AGO2: variants seen among roughly 807,000 people sequenced by gnomAD.
The protein encoded by AGO2 is protein argonaute-2.
AGO2 carries 5 observed loss-of-function variants against 102.3 expected under a neutral mutation model. The ratio of observed to expected loss-of-function variants is 0.05; its 90% confidence interval spans 0.03 to 0.10. The LOEUF (loss-of-function observed/expected upper bound fraction) is 0.10. Ranked by LOEUF, AGO2 falls within the 10% of genes least tolerant of loss-of-function variation. AGO2 has a pLI of 1.00. For synonymous variants in AGO2, 449 were observed against 473.1 expected, an observed-to-expected ratio of 0.95 and a Z score of 0.66; for missense variants, 541 against 1,183.7, an observed-to-expected ratio of 0.46 and a Z score of 7.97.
At chr8:140,579,461 G>A (rs2073518022) in intron 2 of AGO2, among the ~76,000 whole-genome samples, 1 of 151,878 alleles carries the variant, frequency 6.6e-6, no homozygotes, top group Non-Finnish European at 1.5e-5. Context: ...ATACAATGTC[G>A]CCACTAGGTC....
At chr8:140,609,611 C>T (rs934924064) in intron 1 of AGO2, among the ~76,000 whole-genome samples, 4 of 152,264 alleles carry the variant, frequency 2.6e-5, no homozygotes, top group Non-Finnish European at 5.9e-5. Context: ...ACACCCTGCA[C>T]TTCCTCCTGA....
At chr8:140,533,013 A>AG (rs1434505746) in intron 17 of AGO2, among the ~76,000 whole-genome samples, 1 of 151,690 alleles carries the variant, frequency 6.6e-6, no homozygotes. Flanking sequence ...AAAAAAAAAA[A>AG]AAGCATCATA....
intron 1 of AGO2, among the ~76,000 whole-genome samples, chr8:140,585,669 A>C (rs1337552874): frequency 3.9e-5 from 6 of 152,196 alleles, no homozygotes. Context: ...TTTACTCAGG[A>C]AGCGCTTTTT....
chr8:140,605,943 C>T (rs1479872015), intron 1 of AGO2: 4 of 152,182 alleles, frequency 2.6e-5, no homozygotes, highest in Non-Finnish European at 4.4e-5. Context: ...TGTCAAAAAC[C>T]GCTTTATTTT....
chr8:140,580,376 C>G (rs2073537637), intron 2 of AGO2, among the ~76,000 whole-genome samples: 1 of 152,250 alleles, frequency 6.6e-6, no homozygotes, highest in South Asian at 2.1e-4. Context: ...CATTAAACAT[C>G]TACCCGGGGC....
chr8:140,569,170 C>T (rs183617041), intron 3 of AGO2, among the ~76,000 whole-genome samples: 3 of 152,260 alleles, frequency 2.0e-5, no homozygotes, highest in African/African-American at 7.2e-5. Context: ...CTGAGCTGCA[C>T]AGAGAGGCGG....
chr8:140,628,296 C>T (rs1442579006), intron 1 of AGO2, among the ~76,000 whole-genome samples: 1 of 152,232 alleles, frequency 6.6e-6, no homozygotes, highest in African/African-American at 2.4e-5. Flanking sequence ...CTTTTGCTTC[C>T]CCAGGGAACG....
chr8:140,628,297 C>T (rs2074299550), intron 1 of AGO2, among the ~76,000 whole-genome samples: 2 of 152,350 alleles, frequency 1.3e-5, no homozygotes, highest in Middle Eastern at 3.4e-3. Flanking sequence ...TTTTGCTTCC[C>T]CAGGGAACGA....
chr8:140,635,015 TCCACCCGC>T (rs1002128440), intron 1 of AGO2, among the ~76,000 whole-genome samples: 2 of 150,128 alleles, frequency 1.3e-5, no homozygotes, highest in African/African-American at 4.9e-5. Flanking sequence ...CGACCCGGCC[TCCACCCGC>T]TCAGGCGCTC....
intron 2 of AGO2, among the ~76,000 whole-genome samples, chr8:140,583,775 T>C (rs1354915887): frequency 6.6e-6 from 1 of 152,162 alleles, no homozygotes; most frequent in Non-Finnish European, 1.5e-5. Flanking sequence ...CTTGGGAGGA[T>C]GAGGCAGGAG....
chr8:140,631,259 A>G (rs2074337560), intron 1 of AGO2, among the ~76,000 whole-genome samples: 1 of 152,210 alleles, frequency 6.6e-6, no homozygotes, highest in Non-Finnish European at 1.5e-5. Flanking sequence ...TAAAAGACGT[A>G]GGCCGGGCGT....
chr8:140,571,849 G>A (rs373010952), intron 3 of AGO2, among the ~76,000 whole-genome samples: 3 of 152,156 alleles, frequency 2.0e-5, no homozygotes, highest in Non-Finnish European at 2.9e-5. Context: ...AGGTTCAAGC[G>A]ATTTTCCTGC....
At chr8:140,631,412 T>C (rs117043537) in intron 1 of AGO2, among the ~76,000 whole-genome samples, 2,675 of 151,886 alleles carry the variant, frequency 0.018, 38 homozygotes, top group Non-Finnish European at 0.029. Flanking sequence ...CATGGTGGCT[T>C]AGTCCCAGCT....
chr8:140,594,825 C>CTGTGTGTGTGTGTGTGTGTGTGTG (rs56012516), intron 1 of AGO2, among the ~76,000 whole-genome samples: 79 of 146,126 alleles, frequency 5.4e-4, no homozygotes, highest in Middle Eastern at 7.1e-3. Context: ...AAGAAAAAAA[C>CTGTGTGTGTGTGTGTGTGTGTGTG]TGTGTGTGTG....
intron 1 of AGO2, among the ~76,000 whole-genome samples, chr8:140,618,226 A>C (rs2074167566): frequency 6.6e-6 from 1 of 152,052 alleles, no homozygotes; most frequent in Non-Finnish European, 1.5e-5. Flanking sequence ...AGGCTAAGGC[A>C]GGAGAATCGC....
rs181381117 is a variant in AGO2 at position 140,523,526 on chromosome 8, G to A, written c.*8518C>T. ...GATTTAGATACTACATTCTTTTCCT[G>A]TATTTAATGAGTAATTAGCCACTTT... On this transcript the variant is annotated 3_prime_UTR_variant, in exon 19 of 19. Coordinates refer to ENST00000220592, the MANE Select transcript of AGO2 (RefSeq NM_012154.5). The A allele has an allele frequency of 1.1e-4, 16 of 152,230 alleles. No individual in the cohort carries two copies. Among genetic ancestry groups the A allele is most frequent in the African/African-American group, 3.6e-4 (15 of 41,560 alleles). 9.4% of individuals were successfully genotyped at this position (152,230 alleles called of 1,614,324 possible).
At chr8:140,562,012 T>G (rs1281671843) in intron 4 of AGO2, among the ~76,000 whole-genome samples, 1 of 152,204 alleles carries the variant, frequency 6.6e-6, no homozygotes, top group East Asian at 1.9e-4. Flanking sequence ...TGTGGCCATT[T>G]GTGGTAAAAG....
rs1564084030 is a variant in AGO2, at chr8:140,555,923, C to A, written c.1242G>T (p.Gln414His). Residue 414 changes from glutamine (Q) to histidine (H), a missense_variant, in exon 10 of 19, where the codon CAG becomes CAT. Transcript: ENST00000220592. ...TGCCCCCGTAGAGGATGGAGGGCGG[C>A]TGCAGCACCCGCCCAGTCACGTCTG... ...EMTDVTGRVL[Q>H]PPSILYGGRN... is the part of the protein sequence containing the mutation. 6.2e-7 allele frequency: 1 copy of A among 1,613,968 alleles called. No homozygotes were observed. The highest frequency in any genetic ancestry group is 1.3e-5 in the African/African-American group (1 of 74,940).
intron 1 of AGO2, among the ~76,000 whole-genome samples, chr8:140,598,032 C>T (rs1244234051): frequency 6.6e-6 from 1 of 152,216 alleles, no homozygotes; most frequent in Non-Finnish European, 1.5e-5. Context: ...TTCTAGGTGC[C>T]AGGTCGAACA....
Sources: allele counts gnomAD v4.1 joint callset (sites outside exome capture counted in the v4.1 genomes callset), GRCh38; gene constraint gnomAD v4.1.1; transcripts MANE v1.5; gene names NCBI Gene and HGNC (gene_info 2026-07-23, HGNC 2026-07-21).